SMYD3: variants seen among roughly 807,000 people sequenced by gnomAD.
The protein encoded by SMYD3 is histone-lysine N-methyltransferase SMYD3.
Under a neutral mutation model 57.7 loss-of-function variants are expected in SMYD3, and 36 were observed. That is an observed-to-expected ratio of 0.62 (90% CI 0.48 to 0.82). The LOEUF (loss-of-function observed/expected upper bound fraction) is 0.82. Among genes scored for constraint, SMYD3 ranks in the 40% least tolerant of loss-of-function variants. The pLI, the probability that SMYD3 is intolerant of heterozygous loss-of-function variation, is 0.00. For synonymous variants in SMYD3, 211 were observed against 195.0 expected (o/e 1.08, Z -0.68); for missense variants, 515 against 538.8 (o/e 0.96, Z 0.44).
rs568999582 is a variant in SMYD3 at position 245,973,366 on chromosome 1, G to T, written c.532-43429C>A. On this transcript the variant is annotated intron_variant, in intron 5 of 11. Coordinates refer to ENST00000490107, the MANE Select transcript of SMYD3 (RefSeq NM_001167740.2). ...ATCGGGGTGTCCATGTTATACACAG[G>T]GTGTTCACCCAATCTGCAAATGTTT... Among the ~76,000 whole-genome samples, 38 of 152,204 alleles carry T rather than the reference G, an allele frequency of 2.5e-4. 2 individuals carry two copies. In the South Asian group the frequency reaches 7.9e-3, roughly 32 times the overall value.
intron 5 of SMYD3, among the ~76,000 whole-genome samples, chr1:246,157,710 A>T (rs112210922): frequency 9.4e-4 from 143 of 152,260 alleles, no homozygotes; most frequent in African/African-American, 3.2e-3. Context: ...TGTTGTGGTT[A>T]ATTACACAAG....
At chr1:246,110,690 A>G (rs1478532322) in intron 5 of SMYD3, among the ~76,000 whole-genome samples, 1 of 152,190 alleles carries the variant, frequency 6.6e-6, no homozygotes, top group African/African-American at 2.4e-5. Flanking sequence ...TTTAAAGACA[A>G]CAGTGGCAAA....
chr1:246,437,338 A>G (rs1448709782), intron 1 of SMYD3, among the ~76,000 whole-genome samples: 2 of 152,134 alleles, frequency 1.3e-5, no homozygotes, highest in Non-Finnish European at 2.9e-5. Context: ...GGGTCTTCAC[A>G]CTTTCTTGCC....
intron 5 of SMYD3, among the ~76,000 whole-genome samples, chr1:246,138,399 C>G (rs2061695656): frequency 6.6e-6 from 1 of 151,970 alleles, no homozygotes; most frequent in Non-Finnish European, 1.5e-5. Context: ...TCATCTCTTC[C>G]TATAAACTAT....
chr1:246,461,229 C>T (rs1298170583), intron 1 of SMYD3, among the ~76,000 whole-genome samples: 1 of 152,040 alleles, frequency 6.6e-6, no homozygotes, highest in East Asian at 1.9e-4. Context: ...TAAAGGCTGT[C>T]CATCTTTATC....
chr1:246,430,729 A>G (rs1307277652), intron 1 of SMYD3, among the ~76,000 whole-genome samples: 1 of 152,230 alleles, frequency 6.6e-6, no homozygotes, highest in Non-Finnish European at 1.5e-5. Context: ...CATCAGGACT[A>G]GATGATAACT....
intron 5 of SMYD3, among the ~76,000 whole-genome samples, chr1:246,163,599 C>T (rs2062157172): frequency 6.6e-6 from 1 of 152,120 alleles, no homozygotes; most frequent in Non-Finnish European, 1.5e-5. Flanking sequence ...AATGAGAGTG[C>T]TCTCAATAAA....
intron 1 of SMYD3, among the ~76,000 whole-genome samples, chr1:246,464,084 GA>G (rs1033513565): frequency 6.6e-6 from 1 of 152,146 alleles, no homozygotes; most frequent in Non-Finnish European, 1.5e-5. Flanking sequence ...TGGTTATGAA[GA>G]AGAGATGGTA....
At chr1:246,159,299 G>GC (rs2062075398) in intron 5 of SMYD3, among the ~76,000 whole-genome samples, 1 of 151,964 alleles carries the variant, frequency 6.6e-6, no homozygotes, top group East Asian at 1.9e-4. Flanking sequence ...CTTTTTCTTT[G>GC]CCCCTCCTGG....
At chr1:246,303,647 T>G (rs2064932763) in intron 5 of SMYD3, among the ~76,000 whole-genome samples, 1 of 152,192 alleles carries the variant, frequency 6.6e-6, no homozygotes, top group African/African-American at 2.4e-5. Flanking sequence ...TGGCTGACTG[T>G]AGTAATTTAT....
intron 5 of SMYD3, among the ~76,000 whole-genome samples, chr1:245,985,283 T>C (rs143923834): frequency 1.2e-4 from 18 of 152,312 alleles, no homozygotes; most frequent in African/African-American, 4.3e-4. Flanking sequence ...CTATAATCTA[T>C]ATCCTAATGG....
At chr1:246,277,424 G>A (rs1298761431) in intron 5 of SMYD3, among the ~76,000 whole-genome samples, 1 of 152,020 alleles carries the variant, frequency 6.6e-6, no homozygotes, top group African/African-American at 2.4e-5. Context: ...AAATAGTTTG[G>A]CTGTATCTTA....
chr1:246,057,462 T>C (rs192100906), intron 5 of SMYD3, among the ~76,000 whole-genome samples: 31 of 152,336 alleles, frequency 2.0e-4, no homozygotes, highest in African/African-American at 7.0e-4. Flanking sequence ...GCATTAAAAA[T>C]GTATGATGGA....
intron 8 of SMYD3, among the ~76,000 whole-genome samples, chr1:245,882,546 G>C (rs889326626): frequency 6.6e-6 from 1 of 152,124 alleles, no homozygotes; most frequent in Non-Finnish European, 1.5e-5. Flanking sequence ...AAAAGTGAAT[G>C]AAGTTTGAGA....
chr1:246,499,401 TACAC>T (rs74163453), intron 1 of SMYD3, among the ~76,000 whole-genome samples: 3,020 of 145,830 alleles, frequency 0.021, 96 homozygotes, highest in African/African-American at 0.069. Context: ...CCATCAAATA[TACAC>T]ACACACACAC....
intron 1 of SMYD3, among the ~76,000 whole-genome samples, chr1:246,369,683 C>T (rs1001987308): frequency 5.3e-5 from 8 of 151,972 alleles, no homozygotes; most frequent in Admixed American, 3.3e-4. Context: ...CATGCCACTA[C>T]ACTTGGCTAA....
intron 5 of SMYD3, among the ~76,000 whole-genome samples, chr1:246,180,328 T>G (rs1345117060): frequency 6.8e-6 from 1 of 146,948 alleles, no homozygotes; most frequent in Non-Finnish European, 1.5e-5. Context: ...CTTATATATA[T>G]AAGTATATAT....
intron 1 of SMYD3, among the ~76,000 whole-genome samples, chr1:246,365,480 G>GC (rs2066083645): frequency 8.7e-6 from 1 of 115,376 alleles, no homozygotes; most frequent in Non-Finnish European, 1.7e-5. Context: ...GAGCAACAGA[G>GC]TGAGACCCTG....
chr1:245,924,161 C>T (rs1044647725), intron 7 of SMYD3, among the ~76,000 whole-genome samples: 3 of 152,164 alleles, frequency 2.0e-5, no homozygotes, highest in Non-Finnish European at 4.4e-5. Context: ...AGCTTTCCTC[C>T]CTGATCCATG....
Sources: gnomAD v4.1 joint callset for allele counts (sites outside exome capture counted in the v4.1 genomes callset) on GRCh38, gnomAD v4.1.1 for gene constraint, MANE v1.5 for transcripts, NCBI Gene and HGNC (gene_info 2026-07-23, HGNC 2026-07-21) for gene names.